Variants in TUBGCP2 observed in about 807,000 individuals in gnomAD.
TUBGCP2 encodes gamma-tubulin complex component 2.
TUBGCP2 carries 55 observed loss-of-function variants against 92.2 expected under a neutral mutation model. The ratio of observed to expected loss-of-function variants is 0.60; its 90% CI spans 0.48 to 0.75. The LOEUF is 0.75. TUBGCP2 is among the 30% of genes least tolerant of loss of function. The pLI is 0.00. For missense variants in TUBGCP2, 1,093 were observed against 1,188.9 expected (o/e 0.92, Z 1.19); for synonymous variants, 533 against 505.2 (o/e 1.06, Z -0.74).
At chr10:133,288,576 G>A (rs917644272) in intron 10 of TUBGCP2, among the ~76,000 whole-genome samples, 4 of 152,252 alleles carry the variant, frequency 2.6e-5, no homozygotes, top group African/African-American at 4.8e-5. Context: ...CAACCACCAC[G>A]CAAGCTGTGG....
upstream of TUBGCP2, among the ~76,000 whole-genome samples, chr10:133,310,806 CTT>C (rs1325729212): frequency 6.8e-6 from 1 of 146,116 alleles, no homozygotes; most frequent in Non-Finnish European, 1.5e-5. Flanking sequence ...CAGGAACAAT[CTT>C]TTTTTTTTTT....
intron 1 of TUBGCP2, among the ~76,000 whole-genome samples, chr10:133,308,216 C>T (rs749704979): frequency 1.3e-5 from 2 of 152,202 alleles, no homozygotes; most frequent in Non-Finnish European, 2.9e-5. Context: ...TGACTCTTTA[C>T]TCTGACGTCT....
rs1040514685 is a variant in TUBGCP2, at chr10:133,279,397, G to C, written c.*369C>G. The C allele has an allele frequency of 4.6e-6, 1 of 216,034 alleles. No individual in the cohort carries two copies. The highest frequency in any genetic ancestry group is 2.3e-5 in the African/African-American group (1 of 42,662). The allele number at this position is 216,034 out of a possible 1,614,324, so 13.4% of individuals were successfully genotyped here. On this transcript the variant is annotated 3_prime_UTR_variant, in exon 18 of 18. Coordinates refer to ENST00000252936, the MANE Select transcript of TUBGCP2 (RefSeq NM_006659.4). ...TTGTCCCGGTTCCGACAGACCTCAG[G>C]AAGCCCGGCCCCAGCTCACCCGGAA...
At position 133,291,172 on chromosome 10, in the gene TUBGCP2, C is replaced by T. The variant is rs559864225; in HGVS notation, c.1215-1203G>A. On this transcript the variant is annotated intron_variant, in intron 8 of 17. Transcript: ENST00000252936. ...CATGGGCAGCAGGCGGACATCTGCC[C>T]GGGGTGTGCTTTCCTGAGACCACAA... 70 of 415,920 alleles carry T rather than the reference C, an allele frequency of 1.7e-4. 2 individuals carry two copies. Among genetic ancestry groups the T allele is most frequent in the African/African-American group, 7.2e-4 (32 of 44,280 alleles). The allele number at this position is 415,920 out of a possible 1,614,324, so 25.8% of individuals were successfully genotyped here. A position where few individuals can be genotyped will look rare whatever the true frequency, so the allele number is the denominator to read the frequency against.
At chr10:133,300,721 C>T (rs1195858883) in intron 2 of TUBGCP2, among the ~76,000 whole-genome samples, 1 of 143,408 alleles carries the variant, frequency 7.0e-6, no homozygotes, top group African/African-American at 2.8e-5. Flanking sequence ...AAGCCATCCA[C>T]CTGCCTCGTC....
At chr10:133,295,068 G>C (rs1847458052) in intron 5 of TUBGCP2, 1 of 152,224 alleles carries the variant, frequency 6.6e-6, no homozygotes, top group Non-Finnish European at 1.5e-5. Flanking sequence ...CAATGCCCTT[G>C]TGGGGAGAAG....
chr10:133,309,877 C>T, upstream of TUBGCP2: 1 of 1,613,812 alleles, frequency 6.2e-7, no homozygotes, highest in Non-Finnish European at 8.5e-7. Context: ...AATGTTTGCT[C>T]CTTTTGCAAG....
chr10:133,310,062 C>A, upstream of TUBGCP2: 1 of 1,609,164 alleles, frequency 6.2e-7, no homozygotes, highest in Middle Eastern at 2.0e-4. Context: ...GGTGCTCGGG[C>A]AAGGCCGGGG....
Position 133,292,650 on chromosome 10 carries a change from T to G in TUBGCP2, c.1063A>C (p.Thr355Pro). 3.1e-6 allele frequency: 5 copies of G among 1,614,060 alleles called. No individual in the cohort carries two copies. The highest frequency in any genetic ancestry group is 4.2e-6 in the Non-Finnish European group (5 of 1,179,996). Residue 355 changes from threonine to proline, a missense_variant, in exon 8 of 18, where the codon ACG becomes CCG. By Grantham distance (38) the Thr-to-Pro change is conservative. Coordinates refer to ENST00000252936, the MANE Select transcript of TUBGCP2 (RefSeq NM_006659.4). ...CTCCTGTCGTGGAGCAGGCTCAGCG[T>G]GGACCCCCCAAGACATTCGCCTTTG... The part of the protein sequence containing the change: ...VDKGECLGGS[T>P]LSLLHDRSFS...
At chr10:133,305,318 A>T (rs773097969) in intron 1 of TUBGCP2, among the ~76,000 whole-genome samples, 6 of 152,246 alleles carry the variant, frequency 3.9e-5, no homozygotes, top group Non-Finnish European at 5.9e-5. Flanking sequence ...GCTACGTAAC[A>T]GGGAAGGGCC....
chr10:133,309,224 G>A (rs1281292110), upstream of TUBGCP2: 1 of 987,186 alleles, frequency 1.0e-6, no homozygotes, highest in African/African-American at 3.5e-5. Context: ...GGGACAGGCG[G>A]GACCTGAGGT....
chr10:133,288,313 C>T lies in TUBGCP2; in HGVS notation c.1542-4G>A, dbSNP rs377631324. The T allele has an allele frequency of 9.9e-6, 16 of 1,611,714 alleles. No homozygotes were observed. The highest frequency in any genetic ancestry group is 1.3e-5 in the African/African-American group (1 of 74,448). ...GAGGAAGTAGCGCTTGATGGACCTG[C>T]GCCAGGGAGCAGGCGTGAGCAGGTG... On this transcript the variant is annotated splice_region_variant and splice_polypyrimidine_tract_variant and intron_variant, in intron 10 of 17. Transcript: ENST00000252936.
chr10:133,285,102 C>T lies in TUBGCP2; in HGVS notation c.2007G>A (p.Ser669=), dbSNP rs150184203. The T allele has an allele frequency of 4.4e-6, 7 of 1,608,726 alleles. No individual in the cohort carries two copies. The highest frequency in any genetic ancestry group is 2.7e-5 in the African/African-American group (2 of 74,872). The change falls in exon 13 of 18, where the codon TCG becomes TCA. Residue 669 remains serine, a synonymous_variant. Transcript: ENST00000252936. This position sits in a 1 kb window ranked among gnomAD's most constrained non-coding sequence, Gnocchi z 6.8. ...WISNKTAKQH[S]LHSAQWFAGA... ...GAACGCACCACTGGGCGGAGTGCAG[C>T]GAGTGCTGCTTGGCGGTTTTGTTGC...
chr10:133,302,242 C>T, intron 2 of TUBGCP2: 2 of 164,788 alleles, frequency 1.2e-5, no homozygotes, highest in Admixed American at 1.2e-4. Context: ...GTTGCCGGTA[C>T]CATTGAGGCC....
chr10:133,303,669 G>A (rs558112817), intron 1 of TUBGCP2, among the ~76,000 whole-genome samples: 18 of 152,312 alleles, frequency 1.2e-4, no homozygotes, highest in Non-Finnish European at 1.8e-4. Context: ...GTGCTCAGCC[G>A]CAGCTCCATT....
At chr10:133,311,440 C>T (rs772725724), upstream of TUBGCP2, among the ~76,000 whole-genome samples, 8 of 152,082 alleles carry the variant, frequency 5.3e-5, no homozygotes, top group Non-Finnish European at 1.0e-4. Flanking sequence ...CCCGTGGCAC[C>T]GTTGGCACCA....
rs1427803441 is a variant in TUBGCP2 at position 133,291,853 on chromosome 10, T to TCCGTGTCCCC, written c.1214+645_1214+646insGGGGACACGG. 3.4e-4 allele frequency among the ~76,000 whole-genome samples: 5 copies of TCCGTGTCCCC among 14,784 alleles called. 2 individuals are homozygous for TCCGTGTCCCC. Among genetic ancestry groups the TCCGTGTCCCC allele is most frequent in the African/African-American group, 2.8e-3 (4 of 1,406 alleles). The allele number at this position is 14,784 out of a possible 152,430, so 9.7% of individuals were successfully genotyped here. Reference sequence around the variant, plus strand: ...TGTCCCCCATGTCCCTCCGTGTCCCTGTGTCCCGGGGAGCCCTACCTGTAC... The same window carrying TCCGTGTCCCC: ...TGTCCCCCATGTCCCTCCGTGTCCCTCCGTGTCCCCGTGTCCCGGGGAGCCCTACCTGTAC... On this transcript the variant is annotated intron_variant, in intron 8 of 17. Transcript: ENST00000252936.
chr10:133,304,443 T>C lies in TUBGCP2; in HGVS notation c.-39-1463A>G, dbSNP rs144278385. ...TGAGTAATCAGTAACAGATGAGCCC[T>C]TGAAAGTTATGGGCAAAATAACTTT... On this transcript the variant is annotated intron_variant, in intron 1 of 17. Coordinates refer to ENST00000252936, the MANE Select transcript of TUBGCP2 (RefSeq NM_006659.4). 2.2e-3 allele frequency among the ~76,000 whole-genome samples: 332 copies of C among 152,362 alleles called. 1 individual carries two copies. The highest frequency in any genetic ancestry group is 4.0e-3 in the Non-Finnish European group (274 of 68,028).
intron 15 of TUBGCP2, 86 bp downstream of exon 15, chr10:133,282,992 G>A (rs777964622): frequency 8.4e-5 from 130 of 1,545,724 alleles, no homozygotes; most frequent in Non-Finnish European, 1.1e-4. Flanking sequence ...GCAGGAAAAC[G>A]TGAGCAGGCT....
Sources: allele counts gnomAD v4.1 joint callset (sites outside exome capture counted in the v4.1 genomes callset), GRCh38; gene constraint gnomAD v4.1.1; non-coding constraint Gnocchi (gnomAD v3.1); transcripts MANE v1.5; gene names NCBI Gene and HGNC (gene_info 2026-07-23, HGNC 2026-07-21).